SLC14A2: variants seen among roughly 807,000 people sequenced by gnomAD.
SLC14A2 encodes solute carrier family 14 member 2, also known as urea transporter 2.
SLC14A2 carries 91 observed loss-of-function variants against 104.6 expected under a neutral mutation model. The observed-to-expected ratio is 0.87, with a 90% confidence interval of 0.73 to 1.04. SLC14A2 has a LOEUF of 1.04. Ranked by LOEUF, SLC14A2 falls within the 50% of genes least tolerant of loss-of-function variation. The pLI is 0.00. For missense variants in SLC14A2, 1,189 were observed against 1,156.0 expected (o/e 1.03, Z -0.41); for synonymous variants, 476 against 466.4 (o/e 1.02, Z -0.27).
chr18:45,372,968 C>T (rs2085738367), intron 1 of SLC14A2, among the ~76,000 whole-genome samples: 1 of 152,106 alleles, frequency 6.6e-6, no homozygotes, highest in South Asian at 2.1e-4. Flanking sequence ...AAATTTTCAG[C>T]ACAATTTGGA....
At chr18:45,646,654 A>G (rs1200362417) in intron 10 of SLC14A2, 1 of 151,288 alleles carries the variant, frequency 6.6e-6, no homozygotes, top group African/African-American at 2.4e-5. Context: ...TTTCCCACCA[A>G]CTCCCCCCAT....
At chr18:45,393,907 A>G (rs189958674) in intron 1 of SLC14A2, among the ~76,000 whole-genome samples, 50 of 152,326 alleles carry the variant, frequency 3.3e-4, no homozygotes, top group Non-Finnish European at 6.9e-4. Context: ...TTCACAGAAG[A>G]GGAAACAGAC....
At chr18:45,337,042 C>A (rs550764977) in intron 1 of SLC14A2, among the ~76,000 whole-genome samples, 250 of 149,250 alleles carry the variant, frequency 1.7e-3, no homozygotes, top group South Asian at 5.1e-3. Flanking sequence ...AAAAAAAAAA[C>A]CCCTTAGATT....
intron 1 of SLC14A2, among the ~76,000 whole-genome samples, chr18:45,449,969 T>A (rs984148892): frequency 6.6e-6 from 1 of 152,164 alleles, no homozygotes; most frequent in Admixed American, 6.5e-5. Context: ...AGATACACGA[T>A]CACTTACAGA....
chr18:45,610,548 A>T (rs776607598), upstream of SLC14A2, among the ~76,000 whole-genome samples: 6 of 152,176 alleles, frequency 3.9e-5, no homozygotes, highest in Non-Finnish European at 7.4e-5. Flanking sequence ...GAGTGTTCAC[A>T]TCCACTGAAC....
At chr18:45,254,818 T>C (rs2084459667) in intron 1 of SLC14A2, among the ~76,000 whole-genome samples, 2 of 152,234 alleles carry the variant, frequency 1.3e-5, no homozygotes, top group Admixed American at 1.3e-4. Context: ...CTGCGCCCCA[T>C]AGCTGCCCCA....
chr18:45,600,232 T>A (rs1251252553), intron 2 of SLC14A2, among the ~76,000 whole-genome samples: 1 of 152,152 alleles, frequency 6.6e-6, no homozygotes. Context: ...CTCCCTCTCA[T>A]GGTGTTTTTA....
intron 1 of SLC14A2, among the ~76,000 whole-genome samples, chr18:45,217,344 A>C (rs996475644): frequency 2.7e-5 from 4 of 150,276 alleles, no homozygotes; most frequent in African/African-American, 9.7e-5. Context: ...CATATATTAC[A>C]TATTCTATAA....
Position 45,475,641 on chromosome 18 carries a change from GGATATATATATATATATATAT to G in SLC14A2, c.-124-7591_-124-7571del, listed in dbSNP as rs1568227836. Among the ~76,000 whole-genome samples, 78 of 11,648 alleles carry G rather than the reference GGATATATATATATATATATAT, an allele frequency of 6.7e-3. 2 individuals carry two copies. Among genetic ancestry groups the G allele is most frequent in the African/African-American group, 0.017 (76 of 4,580 alleles). 7.6% of individuals were successfully genotyped at this position (11,648 alleles called of 152,430 possible). ...TAGGATATATATATATATATATTTA[GGATATATATATATATATATAT>G]ATATATATATATATATATATATATA... On this transcript the variant is annotated intron_variant, in intron 1 of 20. Transcript: ENST00000586448.
chr18:45,186,733 A>C, the SLC14A2 span, among the ~76,000 whole-genome samples: 3 of 152,292 alleles, frequency 2.0e-5, no homozygotes, highest in Admixed American at 1.3e-4. Flanking sequence ...TACAGTCATA[A>C]ACTAGTAAGA....
chr18:45,511,758 T>C (rs1193804189), intron 2 of SLC14A2, among the ~76,000 whole-genome samples: 1 of 152,214 alleles, frequency 6.6e-6, no homozygotes, highest in Non-Finnish European at 1.5e-5. Flanking sequence ...TAGGAGTTCT[T>C]CCATTTGTGT....
At chr18:45,471,804 T>C (rs2087253829) in intron 1 of SLC14A2, among the ~76,000 whole-genome samples, 1 of 152,134 alleles carries the variant, frequency 6.6e-6, no homozygotes, top group Non-Finnish European at 1.5e-5. Flanking sequence ...GGACATGTCT[T>C]TCTTGATATT....
intron 1 of SLC14A2, among the ~76,000 whole-genome samples, chr18:45,261,870 A>G (rs533154398): frequency 0.012 from 1,803 of 152,256 alleles, 26 homozygotes; most frequent in Middle Eastern, 0.044. Context: ...ATAAACGTAC[A>G]TGTGCATGTG....
intron 1 of SLC14A2, among the ~76,000 whole-genome samples, chr18:45,397,791 TAA>T (rs2086051905): frequency 6.6e-6 from 1 of 152,174 alleles, no homozygotes; most frequent in Admixed American, 6.6e-5. Flanking sequence ...TGAATCTCTC[TAA>T]GTCATAGTTT....
Position 45,626,940 on chromosome 18 carries a change from G to A in SLC14A2, c.332-18G>A, listed in dbSNP as rs747177253. 5.6e-5 allele frequency: 90 copies of A among 1,599,652 alleles called. No homozygotes were observed. Among genetic ancestry groups the A allele is most frequent in the Non-Finnish European group, 7.2e-5 (84 of 1,171,234 alleles). On this transcript the variant is annotated intron_variant, in intron 3 of 19. Coordinates refer to ENST00000255226, the MANE Select transcript of SLC14A2 (RefSeq NM_007163.4). Reference sequence around the variant, plus strand: ...CCCAAGCTGGACCTGCTGATGGCTCGCTCTCTGTCTCTTTCAGACAAGCAC... The same window carrying A: ...CCCAAGCTGGACCTGCTGATGGCTCACTCTCTGTCTCTTTCAGACAAGCAC...
intron 1 of SLC14A2, among the ~76,000 whole-genome samples, chr18:45,446,540 A>G (rs898771965): frequency 2.0e-5 from 3 of 152,244 alleles, no homozygotes; most frequent in Admixed American, 2.0e-4. Context: ...TGTTTAAGTC[A>G]TCCAATTGAT....
At chr18:45,357,235 C>T (rs527940566) in intron 1 of SLC14A2, among the ~76,000 whole-genome samples, 1 of 118,814 alleles carries the variant, frequency 8.4e-6, no homozygotes, top group South Asian at 2.8e-4. Context: ...CCTTGGGACA[C>T]AATTTTTTTT....
At position 45,668,437 on chromosome 18, in the gene SLC14A2, T is replaced by G; in HGVS notation, c.1996T>G (p.Trp666Gly). The G allele has an allele frequency of 6.2e-7, 1 of 1,614,180 alleles. No individual in the cohort carries two copies. Among genetic ancestry groups the G allele is most frequent in the Non-Finnish European group, 8.5e-7 (1 of 1,180,014 alleles). ...AVFSDKGDYY[W>G]WLLLPVIIMS... ...GTTCTCAGACAAAGGTGACTACTAC[T>G]GGTGGCTGTTGCTACCCGTCATCAT... The change falls in exon 15 of 20, where the codon TGG (tryptophan) becomes GGG (glycine). Residue 666 changes from tryptophan to glycine, a missense_variant. Physicochemically the swap from Trp to Gly is radical, Grantham distance 184. Coordinates refer to ENST00000255226, the MANE Select transcript of SLC14A2 (RefSeq NM_007163.4).
At chr18:45,670,782 T>A (rs917295541) in intron 16 of SLC14A2, among the ~76,000 whole-genome samples, 13 of 152,196 alleles carry the variant, frequency 8.5e-5, no homozygotes, top group African/African-American at 3.1e-4. Context: ...CACCTCAGCC[T>A]TCTGAGTAGC....
Sources: gnomAD v4.1 joint callset for allele counts (sites outside exome capture counted in the v4.1 genomes callset) on GRCh38, gnomAD v4.1.1 for gene constraint, MANE v1.5 for transcripts, NCBI Gene and HGNC (gene_info 2026-07-23, HGNC 2026-07-21) for gene names.